Variants in SKAP1 observed in about 807,000 individuals in gnomAD.
SKAP1 encodes src kinase-associated phosphoprotein 1.
A neutral mutation model predicts 58.5 loss-of-function variants in SKAP1; 44 were observed. That is an observed-to-expected ratio of 0.75 (90% confidence interval 0.59 to 0.97). SKAP1 has a LOEUF of 0.97. SKAP1 is among the 50% of genes least tolerant of loss of function. The pLI is 0.00. For synonymous variants in SKAP1, 127 were observed against 149.7 expected, an observed-to-expected ratio of 0.85 and a Z score of 1.11; for missense variants, 390 against 435.2, an observed-to-expected ratio of 0.90 and a Z score of 0.92.
intron 2 of SKAP1, among the ~76,000 whole-genome samples, chr17:48,392,223 G>C (rs1425880682): frequency 2.0e-5 from 3 of 152,172 alleles, no homozygotes; most frequent in Admixed American, 2.0e-4. Flanking sequence ...ATTTTTATGA[G>C]ATTTTACTAG....
chr17:48,342,605 A>G (rs2066668450), intron 4 of SKAP1, among the ~76,000 whole-genome samples: 1 of 152,240 alleles, frequency 6.6e-6, no homozygotes, highest in African/African-American at 2.4e-5. Flanking sequence ...GTATCCTTTT[A>G]TAATGGCAAG....
intron 1 of SKAP1, among the ~76,000 whole-genome samples, chr17:48,398,055 A>G (rs900533815): frequency 6.6e-5 from 10 of 150,662 alleles, no homozygotes; most frequent in African/African-American, 2.2e-4. Flanking sequence ...TATCATATAT[A>G]TCAGGAGTCC....
chr17:48,136,169 T>TA (rs1491353650), intron 12 of SKAP1, among the ~76,000 whole-genome samples: 1 of 112,326 alleles, frequency 8.9e-6, no homozygotes, highest in Non-Finnish European at 2.3e-5. Context: ...GGTATGCTTT[T>TA]CTCTCTCTTT....
intron 9 of SKAP1, 101 bp downstream of exon 9, chr17:48,179,953 T>G: frequency 9.2e-7 from 1 of 1,085,532 alleles, no homozygotes; most frequent in Non-Finnish European, 1.3e-6. Context: ...AGGATGAGGG[T>G]TAGATTTGGC....
At chr17:48,435,405 C>T in the SKAP1 span, among the ~76,000 whole-genome samples, 1 of 152,144 alleles carries the variant, frequency 6.6e-6, no homozygotes, top group Non-Finnish European at 1.5e-5. Context: ...CAGAATGTAT[C>T]AGCTGTAGCC....
chr17:48,316,101 T>C (rs2066282297), intron 4 of SKAP1, among the ~76,000 whole-genome samples: 1 of 152,232 alleles, frequency 6.6e-6, no homozygotes, highest in African/African-American at 2.4e-5. Context: ...CTACAAAGAA[T>C]AGTTAGAGAA....
chr17:48,141,707 G>A (rs2063769450), intron 11 of SKAP1, among the ~76,000 whole-genome samples: 1 of 152,122 alleles, frequency 6.6e-6, no homozygotes, highest in Non-Finnish European at 1.5e-5. Flanking sequence ...AGTAGACAAG[G>A]CCCTGCATGA....
chr17:48,253,267 C>T (rs2065387614), intron 4 of SKAP1, among the ~76,000 whole-genome samples: 1 of 152,132 alleles, frequency 6.6e-6, no homozygotes, highest in South Asian at 2.1e-4. Flanking sequence ...AGAAGTCTAA[C>T]CCTTAAAACT....
At chr17:48,399,524 C>T (rs1270009075) in intron 1 of SKAP1, among the ~76,000 whole-genome samples, 1 of 152,028 alleles carries the variant, frequency 6.6e-6, no homozygotes, top group Non-Finnish European at 1.5e-5. Context: ...TTTTGGGAGG[C>T]CGAGGCAAGA....
chr17:48,277,827 A>G (rs2065719231), intron 4 of SKAP1, among the ~76,000 whole-genome samples: 1 of 152,076 alleles, frequency 6.6e-6, no homozygotes, highest in African/African-American at 2.4e-5. Context: ...CCTGGCCTCA[A>G]GTGATCCTCC....
At chr17:48,153,251 A>G (rs1448940241) in intron 11 of SKAP1, among the ~76,000 whole-genome samples, 1 of 152,200 alleles carries the variant, frequency 6.6e-6, no homozygotes, top group African/African-American at 2.4e-5. Flanking sequence ...GCAGGTTTAC[A>G]TGCATGCATA....
chr17:48,411,565 A>G (rs1304684322), intron 1 of SKAP1, among the ~76,000 whole-genome samples: 3 of 151,990 alleles, frequency 2.0e-5, no homozygotes, highest in Non-Finnish European at 4.4e-5. Flanking sequence ...TGTCTTCCAA[A>G]GAGTATGGAA....
chr17:48,351,649 A>G (rs528356847), intron 3 of SKAP1, among the ~76,000 whole-genome samples: 24 of 152,266 alleles, frequency 1.6e-4, no homozygotes, highest in African/African-American at 5.3e-4. Context: ...CTAAGACTAC[A>G]GTTTTTAGCT....
intron 4 of SKAP1, among the ~76,000 whole-genome samples, chr17:48,257,118 T>A (rs2065431624): frequency 6.6e-6 from 1 of 152,098 alleles, no homozygotes; most frequent in African/African-American, 2.4e-5. Context: ...TAGCTTACTG[T>A]CATTTAAAAT....
intron 1 of SKAP1, among the ~76,000 whole-genome samples, chr17:48,404,312 C>T (rs1449187879): frequency 6.6e-6 from 1 of 151,680 alleles, no homozygotes; most frequent in Non-Finnish European, 1.5e-5. Flanking sequence ...ATTAGCCGGG[C>T]GTAGTGGCAC....
At chr17:48,297,157 A>G (rs2065987604) in intron 4 of SKAP1, among the ~76,000 whole-genome samples, 1 of 152,136 alleles carries the variant, frequency 6.6e-6, no homozygotes, top group Non-Finnish European at 1.5e-5. Context: ...ACCTAAATAG[A>G]TGGTGGTTTT....
chr17:48,192,117 C>T (rs2064553761), intron 4 of SKAP1, among the ~76,000 whole-genome samples: 1 of 151,890 alleles, frequency 6.6e-6, no homozygotes, highest in Non-Finnish European at 1.5e-5. Context: ...GAGTTCAAGG[C>T]TGCAGTGAGC....
intron 4 of SKAP1, among the ~76,000 whole-genome samples, chr17:48,218,590 C>T (rs1002650444): frequency 2.6e-5 from 4 of 152,158 alleles, no homozygotes; most frequent in Admixed American, 6.5e-5. Context: ...CTCCACTCAA[C>T]GAAGAGCTTG....
intron 8 of SKAP1, 63 bp downstream of exon 8, chr17:48,182,331 T>A: frequency 8.3e-7 from 1 of 1,201,924 alleles, no homozygotes; most frequent in Non-Finnish European, 1.2e-6. Context: ...TAGATTATAT[T>A]TATGCAACAT....
Sources: gnomAD v4.1 joint callset for allele counts (sites outside exome capture counted in the v4.1 genomes callset) on GRCh38, gnomAD v4.1.1 for gene constraint, MANE v1.5 for transcripts, NCBI Gene and HGNC (gene_info 2026-07-23, HGNC 2026-07-21) for gene names.